Variants in TNFRSF11A observed in about 807,000 individuals in gnomAD.
TNFRSF11A encodes TNF receptor superfamily member 11a.
TNFRSF11A carries 32 observed loss-of-function variants against 55.7 expected under a neutral mutation model. That is an observed-to-expected ratio of 0.57 (90% confidence interval 0.43 to 0.77). The LOEUF (loss-of-function observed/expected upper bound fraction) is 0.77. Ranked by LOEUF, TNFRSF11A falls within the 30% of genes least tolerant of loss-of-function variation. TNFRSF11A has a pLI of 0.00. For missense variants in TNFRSF11A, 753 were observed against 809.8 expected (o/e 0.93, Z 0.85); for synonymous variants, 311 against 331.0 (o/e 0.94, Z 0.65).
At chr18:62,344,872 C>T (rs1295227011) in intron 1 of TNFRSF11A, among the ~76,000 whole-genome samples, 4 of 152,170 alleles carry the variant, frequency 2.6e-5, no homozygotes, top group Non-Finnish European at 5.9e-5. Context: ...CCTGACAGGC[C>T]GTGCAGGCAG....
At chr18:62,372,905 TAATTTATTGAAGGTCC>T (rs1910647209) in intron 9 of TNFRSF11A, 4 of 152,258 alleles carry the variant, frequency 2.6e-5, no homozygotes, top group African/African-American at 4.8e-5. Context: ...GTTTTTCAAT[TAATTTATTGAAGGTCC>T]AATTTATTGA....
At chr18:62,366,442 G>T (rs905187984) in intron 7 of TNFRSF11A, among the ~76,000 whole-genome samples, 1 of 152,166 alleles carries the variant, frequency 6.6e-6, no homozygotes, top group Non-Finnish European at 1.5e-5. Context: ...ATGTACAGAT[G>T]GGGACTGTAG....
chr18:62,331,941 C>T (rs982353294), intron 1 of TNFRSF11A, among the ~76,000 whole-genome samples: 1 of 152,198 alleles, frequency 6.6e-6, no homozygotes, highest in Non-Finnish European at 1.5e-5. Flanking sequence ...GCCAGATTTC[C>T]AAGTATCAGG....
chr18:62,337,210 C>CA (rs1486643287), intron 1 of TNFRSF11A, among the ~76,000 whole-genome samples: 1 of 151,540 alleles, frequency 6.6e-6, no homozygotes, highest in Non-Finnish European at 1.5e-5. Flanking sequence ...CTATATATTC[C>CA]AAAAAAAGAA....
chr18:62,373,357 G>T (rs1012637483), intron 9 of TNFRSF11A, among the ~76,000 whole-genome samples: 3 of 152,146 alleles, frequency 2.0e-5, no homozygotes, highest in Non-Finnish European at 4.4e-5. Flanking sequence ...TACTTGAGAA[G>T]CTGAGGCAGG....
chr18:62,341,405 A>C (rs2145266302), intron 1 of TNFRSF11A, among the ~76,000 whole-genome samples: 1 of 152,362 alleles, frequency 6.6e-6, no homozygotes, highest in Non-Finnish European at 1.5e-5. Context: ...AAAGTGCACA[A>C]GGATGGTTTG....
intron 7 of TNFRSF11A, among the ~76,000 whole-genome samples, chr18:62,365,388 T>A (rs74540642): frequency 0.016 from 2,434 of 152,356 alleles, 57 homozygotes; most frequent in African/African-American, 0.056. Context: ...TTAGGTTTCA[T>A]CACTTCTGTA....
intron 9 of TNFRSF11A, among the ~76,000 whole-genome samples, chr18:62,379,473 T>G (rs971895808): frequency 6.6e-6 from 1 of 152,204 alleles, no homozygotes; most frequent in Non-Finnish European, 1.5e-5. Flanking sequence ...AAAATGAGTT[T>G]GATAATCATG....
At chr18:62,327,633 A>G (rs1005603626) in intron 1 of TNFRSF11A, among the ~76,000 whole-genome samples, 1 of 152,236 alleles carries the variant, frequency 6.6e-6, no homozygotes, top group Non-Finnish European at 1.5e-5. Context: ...AGTTCATTGA[A>G]GATGTTAATG....
rs922025593 is a variant in TNFRSF11A, at chr18:62,387,978, C to A, written c.*2944C>A. 6.6e-6 allele frequency: 1 copy of A among 152,120 alleles called. No homozygotes were observed. Among genetic ancestry groups the A allele is most frequent in the Non-Finnish European group, 1.5e-5 (1 of 68,094 alleles). The allele number at this position is 152,120 out of a possible 1,614,324, so 9.4% of individuals were successfully genotyped here. A position where few individuals can be genotyped will look rare whatever the true frequency, so the allele number is the denominator to read the frequency against. On this transcript the variant is annotated 3_prime_UTR_variant, in exon 10 of 10. Coordinates refer to ENST00000586569, the MANE Select transcript of TNFRSF11A (RefSeq NM_003839.4). ...AAAAAATACAAAACTTATCTGGGCACGGTGGTGTGCACCTGCAGTCCTGGC... is the reference window on the plus strand; with the variant it reads ...AAAAAATACAAAACTTATCTGGGCAAGGTGGTGTGCACCTGCAGTCCTGGC...
At chr18:62,363,701 G>A (rs1909870965) in intron 7 of TNFRSF11A, among the ~76,000 whole-genome samples, 2 of 152,108 alleles carry the variant, frequency 1.3e-5, no homozygotes, top group Non-Finnish European at 2.9e-5. Context: ...TCTGTTCATT[G>A]TTGAATGCCT....
chr18:62,341,086 G>T (rs1475235922), intron 1 of TNFRSF11A, among the ~76,000 whole-genome samples: 2 of 152,192 alleles, frequency 1.3e-5, no homozygotes, highest in African/African-American at 2.4e-5. Context: ...ATCATAATTC[G>T]TTTATGTCCT....
intron 1 of TNFRSF11A, among the ~76,000 whole-genome samples, chr18:62,332,918 C>G (rs1319213007): frequency 6.6e-6 from 1 of 152,152 alleles, no homozygotes; most frequent in Non-Finnish European, 1.5e-5. Context: ...CCACGGAGCC[C>G]CACAGGAGGA....
Position 62,361,661 on chromosome 18 carries a change from T to C in TNFRSF11A, c.617-19T>C, listed in dbSNP as rs1909694563. 6.3e-7 allele frequency: 1 copy of C among 1,596,982 alleles called. No individual in the cohort carries two copies. The highest frequency in any genetic ancestry group is 1.1e-5 in the South Asian group (1 of 90,736). ...TAAAGAATCTTTACTACCATATTTC[T>C]CATTTTCTTCCAATACAGAACCCCA... On this transcript the variant is annotated intron_variant, in intron 6 of 9. Transcript: ENST00000586569.
rs1437376013 is a variant in TNFRSF11A at position 62,387,927 on chromosome 18, G to A, written c.*2893G>A. 2.0e-5 allele frequency: 3 copies of A among 152,162 alleles called. No individual in the cohort carries two copies. The highest frequency in any genetic ancestry group is 4.4e-5 in the Non-Finnish European group (3 of 68,068). 9.4% of individuals were successfully genotyped at this position (152,162 alleles called of 1,614,324 possible). ...GGACAGTAGTTAGAGATCAAACTGG[G>A]CAATGGAGTGAGACCTCGTCTCTAC... On this transcript the variant is annotated 3_prime_UTR_variant, in exon 10 of 10. Coordinates refer to ENST00000586569, the MANE Select transcript of TNFRSF11A (RefSeq NM_003839.4).
At chr18:62,341,060 A>C (rs2046303597) in intron 1 of TNFRSF11A, among the ~76,000 whole-genome samples, 1 of 152,250 alleles carries the variant, frequency 6.6e-6, no homozygotes, top group Non-Finnish European at 1.5e-5. Context: ...TAAAATGAGA[A>C]TGTCTAGGAT....
chr18:62,341,100 T>C (rs1008673102), intron 1 of TNFRSF11A, among the ~76,000 whole-genome samples: 1 of 152,234 alleles, frequency 6.6e-6, no homozygotes, highest in Non-Finnish European at 1.5e-5. Context: ...ATGTCCTAGT[T>C]AACAGAAATC....
chr18:62,369,005 T>A lies in TNFRSF11A; in HGVS notation c.1088T>A (p.Leu363His). The change falls in exon 9 of 10, where the codon CTC becomes CAC. Residue 363 changes from leucine (L) to histidine (H), a missense_variant. By Grantham distance (99) the Leu-to-His change is moderately conservative. Around this residue, in one of 3 missense-constraint regions of TNFRSF11A, gnomAD observed 567 missense variants for 596.7 expected, o/e 0.95. Transcript: ENST00000586569. ...PSQPTDQLLF[L>H]TEPGSKSTPP... ...CAGCCCACAGACCAGTTACTGTTCC[T>A]CACTGAGCCTGGAAGCAAATCCACA... The A allele has an allele frequency of 6.2e-7, 1 of 1,614,212 alleles. No homozygotes were observed.
At chr18:62,371,506 A>G (rs992817521) in intron 9 of TNFRSF11A, among the ~76,000 whole-genome samples, 1 of 152,210 alleles carries the variant, frequency 6.6e-6, no homozygotes, top group Non-Finnish European at 1.5e-5. Context: ...GGATGGAGAA[A>G]AGGAATAAAA....
Sources: gnomAD v4.1 joint callset for allele counts (sites outside exome capture counted in the v4.1 genomes callset) on GRCh38, gnomAD v4.1.1 for gene constraint, gnomAD v4.1.1 regional missense constraint, MANE v1.5 for transcripts, NCBI Gene and HGNC (gene_info 2026-07-23, HGNC 2026-07-21) for gene names.